NSD3: variants seen among roughly 807,000 people sequenced by gnomAD.
The protein encoded by NSD3 is nuclear receptor binding SET domain protein 3, also known as histone-lysine N-methyltransferase NSD3.
In NSD3, 24 loss-of-function variants were observed where a neutral mutation model predicts 160.8. The ratio of observed to expected loss-of-function variants is 0.15; its 90% confidence interval spans 0.11 to 0.21. The LOEUF (loss-of-function observed/expected upper bound fraction) is 0.21, where lower values mean the gene tolerates loss of function less well. Ranked by LOEUF, NSD3 falls within the 10% of genes least tolerant of loss-of-function variation. NSD3 has a pLI of 1.00. For synonymous variants in NSD3, 520 were observed against 600.0 expected, an observed-to-expected ratio of 0.87 and a Z score of 1.95; for missense variants, 1,157 against 1,735.9, an observed-to-expected ratio of 0.67 and a Z score of 5.93.
intron 2 of NSD3, among the ~76,000 whole-genome samples, chr8:38,345,314 A>C (rs2150382492): frequency 1.0e-5 from 1 of 95,688 alleles, no homozygotes; most frequent in South Asian, 4.3e-4. Context: ...AGGGGGAGGA[A>C]TGGGGCAGAG....
chr8:38,294,647 T>A (rs946254927), intron 16 of NSD3, among the ~76,000 whole-genome samples: 3 of 152,008 alleles, frequency 2.0e-5, no homozygotes, highest in Non-Finnish European at 4.4e-5. Flanking sequence ...TTATTAGAAA[T>A]CAGAAATCAA....
At chr8:38,353,508 T>C (rs1810751965) in intron 1 of NSD3, among the ~76,000 whole-genome samples, 2 of 152,216 alleles carry the variant, frequency 1.3e-5, no homozygotes, top group Admixed American at 1.3e-4. Flanking sequence ...CAAATTATAG[T>C]CTTCAGGGTT....
chr8:38,356,463 T>C (rs775326940), intron 1 of NSD3, among the ~76,000 whole-genome samples: 12 of 151,730 alleles, frequency 7.9e-5, no homozygotes, highest in Middle Eastern at 3.4e-3. Context: ...ATGCCTGCAA[T>C]CCCAGCTCCT....
At chr8:38,336,634 CTTA>C (rs926925151) in intron 4 of NSD3, among the ~76,000 whole-genome samples, 6 of 152,088 alleles carry the variant, frequency 3.9e-5, no homozygotes, top group African/African-American at 1.4e-4. Flanking sequence ...GGCGCAAATG[CTTA>C]TTAAGTTCAT....
chr8:38,361,478 G>T (rs541919549), intron 1 of NSD3, among the ~76,000 whole-genome samples: 1 of 151,542 alleles, frequency 6.6e-6, no homozygotes, highest in African/African-American at 2.4e-5. Flanking sequence ...GAAAGGGGCC[G>T]GGCGCGGTGG....
At chr8:38,335,134 T>TG (rs933150342) in intron 4 of NSD3, among the ~76,000 whole-genome samples, 7 of 152,036 alleles carry the variant, frequency 4.6e-5, no homozygotes, top group African/African-American at 1.7e-4. Context: ...CTTAGAGGCA[T>TG]GCGCCAAAAC....
chr8:38,339,443 T>C (rs981804561), intron 2 of NSD3, among the ~76,000 whole-genome samples: 2 of 151,998 alleles, frequency 1.3e-5, no homozygotes, highest in Non-Finnish European at 2.9e-5. Flanking sequence ...ATAATCTAGA[T>C]GGGCTGGGCA....
chr8:38,364,825 G>A (rs539594387), intron 1 of NSD3, among the ~76,000 whole-genome samples: 12 of 152,106 alleles, frequency 7.9e-5, no homozygotes, highest in Non-Finnish European at 1.8e-4. Context: ...GCCCCTCATA[G>A]CCATCACAAA....
intron 16 of NSD3, among the ~76,000 whole-genome samples, chr8:38,295,042 G>A (rs920941333): frequency 3.3e-5 from 5 of 150,940 alleles, no homozygotes; most frequent in Non-Finnish European, 5.9e-5. Context: ...TACTCGGGAG[G>A]CTGAGGCAGG....
At chr8:38,299,621 G>A in intron 14 of NSD3, 31 bp from the exon 15 acceptor site, 1 of 1,486,090 alleles carries the variant, frequency 6.7e-7, no homozygotes, top group Admixed American at 2.2e-5. Context: ...GAGATGAGCT[G>A]CAATGAAACT....
In NSD3 at chr8:38,279,698, A is replaced by T; in HGVS notation, c.3619-17T>A. ...TATACGGTCCTTCAGAAAGAAAAGA[A>T]AAGTACCTTTTACATAAATTAAGTC... On this transcript the variant is annotated splice_polypyrimidine_tract_variant and intron_variant, in intron 20 of 23. Transcript: ENST00000317025. The T allele has an allele frequency of 6.2e-7, 1 of 1,606,990 alleles. No homozygotes were observed. Among genetic ancestry groups the T allele is most frequent in the Non-Finnish European group, 8.5e-7 (1 of 1,174,408 alleles).
In NSD3 at chr8:38,368,048, C is replaced by T. The variant is rs575794566; in HGVS notation, c.-45+13751G>A. Among the ~76,000 whole-genome samples, 13 of 152,192 alleles carry T rather than the reference C, an allele frequency of 8.5e-5. 1 individual carries two copies. In the South Asian group the frequency reaches 2.3e-3, roughly 27 times the overall value. On this transcript the variant is annotated intron_variant, in intron 1 of 23. Transcript: ENST00000317025. ...AGGTTGGAGTGCCCTGGCACAATCTCGGCTCACTGCAACCTCTGCCTCCAG... is the reference window on the plus strand; with the variant it reads ...AGGTTGGAGTGCCCTGGCACAATCTTGGCTCACTGCAACCTCTGCCTCCAG...
intron 6 of NSD3, among the ~76,000 whole-genome samples, chr8:38,327,502 G>A (rs1264790448): frequency 6.6e-6 from 1 of 152,122 alleles, no homozygotes. Context: ...CTACAGGCAT[G>A]TGCTACCATG....
intron 2 of NSD3, among the ~76,000 whole-genome samples, chr8:38,341,804 C>T (rs1374691227): frequency 6.6e-6 from 1 of 151,348 alleles, no homozygotes; most frequent in African/African-American, 2.4e-5. Flanking sequence ...AAGAGCCAGG[C>T]GTAGTGATGT....
chr8:38,312,728 G>C (rs950921423), intron 12 of NSD3, among the ~76,000 whole-genome samples: 1 of 152,088 alleles, frequency 6.6e-6, no homozygotes, highest in African/African-American at 2.4e-5. Context: ...TTTGCCTTCT[G>C]CCATGATTGT....
chr8:38,338,968 C>T lies in NSD3; in HGVS notation c.676-361G>A, dbSNP rs571276968. ...CAGCTTGGCCAGCATGGTGAAACCC[C>T]GTCTCTACTAAAAATTAAAAAAATA... is the stretch of plus-strand genomic sequence containing the variant. On this transcript the variant is annotated intron_variant, in intron 2 of 23. Coordinates refer to ENST00000317025, the MANE Select transcript of NSD3 (RefSeq NM_023034.2). 8.4e-4 allele frequency among the ~76,000 whole-genome samples: 128 copies of T among 152,040 alleles called. 2 individuals carry two copies. The highest frequency in any genetic ancestry group is 5.1e-3 in the Admixed American group (78 of 15,258).
chr8:38,289,576 C>A (rs1416172189), intron 17 of NSD3, 71 bp from the exon 18 acceptor site: 1 of 1,358,284 alleles, frequency 7.4e-7, no homozygotes. Flanking sequence ...AGTAGTTTTA[C>A]GCTGCCTTCC....
intron 1 of NSD3, among the ~76,000 whole-genome samples, chr8:38,350,693 G>A (rs566156183): frequency 2.6e-5 from 4 of 152,208 alleles, no homozygotes; most frequent in African/African-American, 4.8e-5. Flanking sequence ...GGGGTCCTGG[G>A]CATAAGTTTT....
At chr8:38,299,010 T>A (rs1809220287) in intron 15 of NSD3, among the ~76,000 whole-genome samples, 1 of 152,256 alleles carries the variant, frequency 6.6e-6, no homozygotes, top group South Asian at 2.1e-4. Context: ...CTTTCAAGTA[T>A]CAGTATCTTA....
Sources: gnomAD v4.1 joint callset for allele counts (sites outside exome capture counted in the v4.1 genomes callset) on GRCh38, gnomAD v4.1.1 for gene constraint, MANE v1.5 for transcripts, NCBI Gene and HGNC (gene_info 2026-07-23, HGNC 2026-07-21) for gene names.